Variants in CSNK1D observed in about 807,000 individuals in gnomAD.
CSNK1D encodes the protein casein kinase I isoform delta.
Under a neutral mutation model 46.6 loss-of-function variants are expected in CSNK1D, and 16 were observed. That is an observed-to-expected ratio of 0.34 (90% confidence interval 0.23 to 0.52). The LOEUF is 0.52. Ranked by LOEUF, CSNK1D falls within the 20% of genes least tolerant of loss-of-function variation. CSNK1D has a pLI of 0.95. For missense variants in CSNK1D, 398 were observed against 578.4 expected, an observed-to-expected ratio of 0.69 and a Z score of 3.20; for synonymous variants, 276 against 228.2, an observed-to-expected ratio of 1.21 and a Z score of -1.89.
downstream of CSNK1D, chr17:82,239,440 G>C (rs2050706947): frequency 5.9e-6 from 1 of 169,580 alleles, no homozygotes; most frequent in African/African-American, 2.4e-5. Flanking sequence ...TCCACCCCTG[G>C]AAGATGGAAA....
downstream of CSNK1D, among the ~76,000 whole-genome samples, chr17:82,242,216 G>C (rs112967906): frequency 3.8e-4 from 57 of 151,850 alleles, no homozygotes; most frequent in East Asian, 1.2e-3. Flanking sequence ...GTGCTCTGGG[G>C]GGGGGGGGAA....
At position 82,244,580 on chromosome 17, in the gene CSNK1D, A is replaced by G. The variant is rs561680182; in HGVS notation, c.*201T>C. ...CAACCGAGTTCACGTGGGGGGCCGC[A>G]GTGCAGCCCCAGCGGTGGCAGCTCT... On this transcript the variant is annotated 3_prime_UTR_variant, in exon 9 of 9. Transcript: ENST00000314028. The G allele has an allele frequency of 1.2e-5, 18 of 1,500,888 alleles. No individual in the cohort carries two copies. The highest frequency in any genetic ancestry group is 1.4e-5 in the African/African-American group (1 of 72,388). The allele number at this position is 1,500,888 out of a possible 1,614,324, so 93.0% of individuals were successfully genotyped here.
chr17:82,254,058 C>A (rs1264465747), intron 3 of CSNK1D: 1 of 186,356 alleles, frequency 5.4e-6, no homozygotes, highest in South Asian at 4.5e-5. Context: ...GTCAGCTGAG[C>A]CGCCGGAGCC....
chr17:82,248,141 C>G lies in CSNK1D; in HGVS notation c.1197+734G>C, dbSNP rs1401706309. The G allele has an allele frequency of 6.5e-5, 64 of 985,470 alleles. No homozygotes were observed. Among genetic ancestry groups the G allele is most frequent in the Non-Finnish European group, 7.6e-5 (63 of 830,014 alleles). The allele number at this position is 985,470 out of a possible 1,614,324, so 61.0% of individuals were successfully genotyped here. A position where few individuals can be genotyped will look rare whatever the true frequency, so the allele number is the denominator to read the frequency against. ...CCCAGGATGCCTGCTGGTGAAACAG[C>G]CCTGCCCCACTAACCCTGCCCCTGT... is the stretch of plus-strand genomic sequence containing the variant. On this transcript the variant is annotated intron_variant, in intron 8 of 8. Transcript: ENST00000314028. This position sits in a 1 kb window ranked among gnomAD's most constrained non-coding sequence, Gnocchi z 4.1.
In CSNK1D at chr17:82,252,950, C is replaced by A; in HGVS notation, c.565+66G>T. ...CAGCTCCCCGAGAGGCTGGCCTCTC[C>A]CTGGGCTGAGGCATGGACGCGCCCA... On this transcript the variant is annotated intron_variant, in intron 4 of 8. Coordinates refer to ENST00000314028, the MANE Select transcript of CSNK1D (RefSeq NM_001893.6). This position sits in a 1 kb window ranked among gnomAD's most constrained non-coding sequence, Gnocchi z 4.6. 2 of 1,444,720 alleles carry A rather than the reference C, an allele frequency of 1.4e-6. No homozygotes were observed. Among genetic ancestry groups the A allele is most frequent in the East Asian group, 2.3e-5 (1 of 43,316 alleles). The allele number at this position is 1,444,720 out of a possible 1,614,324, so 89.5% of individuals were successfully genotyped here.
chr17:82,266,434 G>T (rs1345737489), intron 1 of CSNK1D, among the ~76,000 whole-genome samples: 1 of 152,172 alleles, frequency 6.6e-6, no homozygotes, highest in Non-Finnish European at 1.5e-5. Context: ...CTACCAACAC[G>T]CACCGGTCAC....
Position 82,251,454 on chromosome 17 carries a change from C to T in CSNK1D, c.810G>A (p.Arg270=). 3.7e-6 allele frequency: 6 copies of T among 1,614,182 alleles called. No homozygotes were observed. The highest frequency in any genetic ancestry group is 5.1e-6 in the Non-Finnish European group (6 of 1,180,032). Residue 270 remains arginine (R), a synonymous_variant, in exon 6 of 9, where the codon CGG becomes CGA. Transcript: ENST00000314028. The surrounding 1 kb of genome is among the most constrained non-coding windows in gnomAD (Gnocchi z 4.5). ...GATGGAACAGATTCCGGAAAAGCTGCCGCAGGTACGAGTAGTCAGGCTTGT... is the reference window on the plus strand; with the variant it reads ...GATGGAACAGATTCCGGAAAAGCTGTCGCAGGTACGAGTAGTCAGGCTTGT... ...FDDKPDYSYL[R]QLFRNLFHRQ... is the part of the protein sequence containing the mutation.
chr17:82,254,286 G>A (rs1319357612), intron 3 of CSNK1D: 35 of 291,636 alleles, frequency 1.2e-4, no homozygotes, highest in South Asian at 6.4e-4. Flanking sequence ...AGTGCAGTGC[G>A]CTGAGCCGCC....
chr17:82,265,786 A>G lies in CSNK1D; in HGVS notation c.87T>C (p.Ile29=), dbSNP rs1343592966. The stretch of plus-strand genomic sequence containing the variant: ...TGATGGCAACCTCTTCTCCTGCAGC[A>G]ATGTCCGTACCTTGGCAAAGAAAGA... ...SFGDIYLGTD[I]AAGEEVAIKL... The change falls in exon 2 of 9, where the codon ATT becomes ATC. Residue 29 remains isoleucine (I), a synonymous_variant. Transcript: ENST00000314028. 1.5e-5 allele frequency: 24 copies of G among 1,613,952 alleles called. No homozygotes were observed. Among genetic ancestry groups the G allele is most frequent in the Non-Finnish European group, 1.7e-5 (20 of 1,179,870 alleles).
At chr17:82,247,559 TG>T (rs2050882170) in intron 8 of CSNK1D, 2 of 985,312 alleles carry the variant, frequency 2.0e-6, no homozygotes, top group Non-Finnish European at 2.4e-6. Flanking sequence ...TCCTGTACCA[TG>T]GTTCAGGGGC....
Position 82,248,310 on chromosome 17 carries a change from G to A in CSNK1D, c.1197+565C>T. On this transcript the variant is annotated intron_variant, in intron 8 of 8. Coordinates refer to ENST00000314028, the MANE Select transcript of CSNK1D (RefSeq NM_001893.6). The surrounding 1 kb of genome is among the most constrained non-coding windows in gnomAD (Gnocchi z 4.1). ...GGAGAGACCGCTGCAGGATGCTGAA[G>A]AGGCGGTGGCCGTGGCTAGGCCTGG... 1.0e-6 allele frequency: 1 copy of A among 989,118 alleles called. No individual in the cohort carries two copies. Among genetic ancestry groups the A allele is most frequent in the South Asian group, 4.6e-5 (1 of 21,870 alleles). The allele number at this position is 989,118 out of a possible 1,614,324, so 61.3% of individuals were successfully genotyped here.
chr17:82,239,257 C>G (rs2050701921), downstream of CSNK1D: 2 of 224,528 alleles, frequency 8.9e-6, no homozygotes, highest in Non-Finnish European at 1.7e-5. Context: ...CACTGCTATG[C>G]TCAAGGACCT....
At chr17:82,263,162 G>A (rs572530955) in intron 2 of CSNK1D, among the ~76,000 whole-genome samples, 179 of 152,236 alleles carry the variant, frequency 1.2e-3, no homozygotes, top group Non-Finnish European at 2.0e-3. Flanking sequence ...CCTGGGCAAC[G>A]GAGTGAGACT....
chr17:82,257,228 T>C (rs1057143385), intron 2 of CSNK1D, among the ~76,000 whole-genome samples: 1 of 152,158 alleles, frequency 6.6e-6, no homozygotes, highest in African/African-American at 2.4e-5. Flanking sequence ...TAGTAGTTCT[T>C]TATAACTTCT....
chr17:82,243,948 GC>G lies in CSNK1D; in HGVS notation c.*832del. On this transcript the variant is annotated 3_prime_UTR_variant, in exon 9 of 9. Transcript: ENST00000314028. ...TCTGCTTCCAAGCTCTCAGCTGCCT[GC>G]CCACCTCCTGGGGAAGAAGCGCGCA... 1 of 985,830 alleles carries G rather than the reference GC, an allele frequency of 1.0e-6. No individual in the cohort carries two copies. Among genetic ancestry groups the G allele is most frequent in the Non-Finnish European group, 1.2e-6 (1 of 830,230 alleles). The allele number at this position is 985,830 out of a possible 1,614,324, so 61.1% of individuals were successfully genotyped here. A position where few individuals can be genotyped will look rare whatever the true frequency, so the allele number is the denominator to read the frequency against.
chr17:82,264,701 C>T (rs1421257707), intron 2 of CSNK1D, among the ~76,000 whole-genome samples: 1 of 152,168 alleles, frequency 6.6e-6, no homozygotes, highest in Non-Finnish European at 1.5e-5. Context: ...TCAGGAAGGC[C>T]CCACTGAGCA....
Position 82,251,709 on chromosome 17 carries a change from G to A in CSNK1D, c.737-182C>T, listed in dbSNP as rs564550666. On this transcript the variant is annotated intron_variant, in intron 5 of 8. Transcript: ENST00000314028. This position sits in a 1 kb window ranked among gnomAD's most constrained non-coding sequence, Gnocchi z 4.5. Reference sequence around the variant, plus strand: ...AAGCATCGAAAAGTATTCAAGTCACGGCCGGGTGCGGCGGCTCACGCCTGT... The same window carrying A: ...AAGCATCGAAAAGTATTCAAGTCACAGCCGGGTGCGGCGGCTCACGCCTGT... The A allele has an allele frequency of 5.3e-4, 379 of 714,338 alleles. 1 individual carries two copies. The highest frequency in any genetic ancestry group is 1.5e-3 in the Admixed American group (74 of 48,162). 44.2% of individuals were successfully genotyped at this position (714,338 alleles called of 1,614,324 possible). A position where few individuals can be genotyped will look rare whatever the true frequency, so the allele number is the denominator to read the frequency against.
At position 82,255,541 on chromosome 17, in the gene CSNK1D, C is replaced by T. The variant is rs759730221; in HGVS notation, c.224G>A (p.Gly75Glu). Residue 75 changes from glycine to glutamate, a missense_variant, in exon 3 of 9, where the codon GGG becomes GAG. Gly to Glu is a moderately conservative substitution (Grantham distance 98). Transcript: ENST00000314028. The surrounding 1 kb of genome is among the most constrained non-coding windows in gnomAD (Gnocchi z 5.9). ...CTCCATCACCATGACGTTGTAGTCC[C>T]CCTCTGCCCCGCACCATCTGATGGT... ...IPTIRWCGAEGDYNVMVMELL... is the reference protein window; with the variant it reads ...IPTIRWCGAEEDYNVMVMELL... The T allele has an allele frequency of 6.2e-7, 1 of 1,614,158 alleles. No individual in the cohort carries two copies. The highest frequency in any genetic ancestry group is 8.5e-7 in the Non-Finnish European group (1 of 1,180,022).
intron 2 of CSNK1D, among the ~76,000 whole-genome samples, chr17:82,262,238 G>T (rs746315697): frequency 6.6e-6 from 1 of 152,194 alleles, no homozygotes; most frequent in Non-Finnish European, 1.5e-5. Flanking sequence ...TAGGGTGGCC[G>T]CCATTTCCTT....
Sources: gnomAD v4.1 joint callset for allele counts (sites outside exome capture counted in the v4.1 genomes callset) on GRCh38, gnomAD v4.1.1 for gene constraint, Gnocchi (gnomAD v3.1) non-coding constraint, MANE v1.5 for transcripts, NCBI Gene and HGNC (gene_info 2026-07-23, HGNC 2026-07-21) for gene names.